The following RNF217 variants were observed in gnomAD, a reference collection of about 807,000 sequenced individuals.
RNF217 encodes the protein E3 ubiquitin-protein ligase RNF217.
RNF217 carries 31 observed loss-of-function variants against 57.8 expected under a neutral mutation model. That is an observed-to-expected ratio of 0.54 (90% CI 0.40 to 0.72). RNF217 has a LOEUF of 0.72. Among genes scored for constraint, RNF217 ranks in the 30% least tolerant of loss-of-function variants. RNF217 has a pLI of 0.00. For synonymous variants in RNF217, 313 were observed against 294.0 expected, an observed-to-expected ratio of 1.06 and a Z score of -0.66; for missense variants, 696 against 708.3, an observed-to-expected ratio of 0.98 and a Z score of 0.20.
intron 3 of RNF217, among the ~76,000 whole-genome samples, chr6:125,069,762 TGTA>T (rs1788069774): frequency 6.6e-6 from 1 of 152,172 alleles, no homozygotes; most frequent in Admixed American, 6.6e-5. Context: ...CCAGCAATAG[TGTA>T]TAAGCATTCC....
chr6:125,021,465 C>A (rs1260212867), intron 1 of RNF217, among the ~76,000 whole-genome samples: 5 of 151,974 alleles, frequency 3.3e-5, no homozygotes, highest in Admixed American at 3.3e-4. Flanking sequence ...CGGGGTTTCA[C>A]CATCTTGGCC....
intron 1 of RNF217, among the ~76,000 whole-genome samples, chr6:125,032,504 CAAGTA>C (rs1786404660): frequency 6.6e-6 from 1 of 151,460 alleles, no homozygotes. Context: ...AATATTTTGT[CAAGTA>C]AAGAAAGCTA....
chr6:124,981,969 A>G (rs1341134729), intron 1 of RNF217, among the ~76,000 whole-genome samples: 3 of 150,516 alleles, frequency 2.0e-5, no homozygotes, highest in African/African-American at 7.3e-5. Context: ...CAGAGGTTGC[A>G]ATGAACCGAG....
intron 4 of RNF217, among the ~76,000 whole-genome samples, chr6:125,077,849 C>T (rs977637631): frequency 2.0e-5 from 3 of 152,118 alleles, no homozygotes; most frequent in South Asian, 2.1e-4. Context: ...TCTCCTTAGC[C>T]CTTGGTCACT....
intron 1 of RNF217, among the ~76,000 whole-genome samples, chr6:125,000,444 G>A (rs1161625843): frequency 6.6e-6 from 1 of 151,822 alleles, no homozygotes; most frequent in African/African-American, 2.4e-5. Context: ...GGGCATTATA[G>A]ATATCAGACA....
At chr6:124,997,216 T>C (rs947025375) in intron 1 of RNF217, among the ~76,000 whole-genome samples, 1 of 152,210 alleles carries the variant, frequency 6.6e-6, no homozygotes, top group African/African-American at 2.4e-5. Flanking sequence ...GAAAGGATTT[T>C]TCTATAGAAG....
intron 4 of RNF217, among the ~76,000 whole-genome samples, chr6:125,077,497 G>T (rs1788422187): frequency 1.3e-5 from 2 of 152,080 alleles, no homozygotes; most frequent in African/African-American, 4.8e-5. Flanking sequence ...ACACATAGTA[G>T]CCTCATACAC....
At chr6:124,981,266 C>A (rs529197762) in intron 1 of RNF217, among the ~76,000 whole-genome samples, 1 of 152,048 alleles carries the variant, frequency 6.6e-6, no homozygotes, top group South Asian at 2.1e-4. Context: ...GAATTTTTCC[C>A]CATGTGAACA....
At chr6:125,063,189 A>G (rs1358635982) in intron 3 of RNF217, among the ~76,000 whole-genome samples, 1 of 152,224 alleles carries the variant, frequency 6.6e-6, no homozygotes, top group Non-Finnish European at 1.5e-5. Flanking sequence ...CACAGATTAG[A>G]TACTAAAGTC....
chr6:125,084,453 A>G lies in RNF217; in HGVS notation c.*1516A>G, dbSNP rs1046557221. ...AGCCTAAAGCTTTAAATTGTCTCCA[A>G]ATTCTTAAAATTAGTCATCTGTCTT... is the stretch of plus-strand genomic sequence containing the variant. On this transcript the variant is annotated 3_prime_UTR_variant, in exon 6 of 6. Coordinates refer to ENST00000521654, the MANE Select transcript of RNF217 (RefSeq NM_001286398.3). 2 of 152,000 alleles carry G rather than the reference A, an allele frequency of 1.3e-5. No homozygotes were observed. Among genetic ancestry groups the G allele is most frequent in the African/African-American group, 4.8e-5 (2 of 41,444 alleles). 9.4% of individuals were successfully genotyped at this position (152,000 alleles called of 1,614,324 possible). A position where few individuals can be genotyped will look rare whatever the true frequency, so the allele number is the denominator to read the frequency against.
Position 124,970,339 on chromosome 6 carries a change from C to T in RNF217, c.882+6913C>T, listed in dbSNP as rs73770783. Among the ~76,000 whole-genome samples, 534 of 152,198 alleles carry T rather than the reference C, an allele frequency of 3.5e-3. 6 individuals carry two copies. Among genetic ancestry groups the T allele is most frequent in the African/African-American group, 0.012 (503 of 41,520 alleles). On this transcript the variant is annotated intron_variant, in intron 1 of 5. Coordinates refer to ENST00000521654, the MANE Select transcript of RNF217 (RefSeq NM_001286398.3). ...TTCAGACTAGAGTGATACAGGCGAA[C>T]GCAGTTTGAACTGGTTGAATTTGGA...
chr6:125,062,894 T>G (rs1351756066), intron 3 of RNF217, among the ~76,000 whole-genome samples: 1 of 152,208 alleles, frequency 6.6e-6, no homozygotes, highest in Non-Finnish European at 1.5e-5. Flanking sequence ...CAAAGTATTT[T>G]TCAGTCACTT....
intron 1 of RNF217, among the ~76,000 whole-genome samples, chr6:125,038,551 T>C (rs1786741612): frequency 6.6e-6 from 1 of 152,180 alleles, no homozygotes; most frequent in South Asian, 2.1e-4. Flanking sequence ...AGGATGGCTA[T>C]TTAAGGATTC....
At chr6:125,051,497 C>T (rs1030190814) in intron 2 of RNF217, among the ~76,000 whole-genome samples, 6 of 152,152 alleles carry the variant, frequency 3.9e-5, no homozygotes, top group Middle Eastern at 3.4e-3. Context: ...GTAAGAGAAT[C>T]TACTGGGGCT....
At chr6:124,988,973 T>G (rs1178126143) in intron 1 of RNF217, among the ~76,000 whole-genome samples, 3 of 152,166 alleles carry the variant, frequency 2.0e-5, no homozygotes, top group Non-Finnish European at 1.5e-5. Flanking sequence ...TTTGCAGCTC[T>G]TTGAACAGGG....
chr6:125,023,524 CAA>C (rs1372861992), intron 1 of RNF217, among the ~76,000 whole-genome samples: 2 of 152,102 alleles, frequency 1.3e-5, no homozygotes, highest in African/African-American at 2.4e-5. Context: ...GGAGGATCCT[CAA>C]AAAACTTAAA....
intron 3 of RNF217, among the ~76,000 whole-genome samples, chr6:125,072,288 C>T (rs1788175473): frequency 6.6e-6 from 1 of 152,078 alleles, no homozygotes. Flanking sequence ...TTAAAGGCAG[C>T]ACTGTGTACT....
chr6:124,970,326 T>A (rs1783718129), intron 1 of RNF217, among the ~76,000 whole-genome samples: 1 of 152,008 alleles, frequency 6.6e-6, no homozygotes, highest in African/African-American at 2.4e-5. Flanking sequence ...CAGACTAGAG[T>A]GATACAGGCG....
At chr6:125,061,828 T>G (rs955830432) in intron 3 of RNF217, among the ~76,000 whole-genome samples, 23 of 152,092 alleles carry the variant, frequency 1.5e-4, no homozygotes, top group Non-Finnish European at 2.7e-4. Flanking sequence ...ATTCAGAAGT[T>G]TGATTAAAAG....
Sources: allele counts gnomAD v4.1 joint callset (sites outside exome capture counted in the v4.1 genomes callset), GRCh38; gene constraint gnomAD v4.1.1; transcripts MANE v1.5; gene names NCBI Gene and HGNC (gene_info 2026-07-23, HGNC 2026-07-21).